DIS3L2: variants seen among roughly 807,000 people sequenced by gnomAD.
DIS3L2 encodes the protein DIS3 like 3'-5' exoribonuclease 2, also known as DIS3-like exonuclease 2.
DIS3L2 carries 34 observed loss-of-function variants against 97.5 expected under a neutral mutation model. That is an observed-to-expected ratio of 0.35 (90% CI 0.27 to 0.46). DIS3L2 has a LOEUF of 0.46. DIS3L2 is among the 20% of genes least tolerant of loss of function. The pLI is 1.00. For missense variants in DIS3L2, 1,038 were observed against 1,146.0 expected (o/e 0.91, Z 1.36); for synonymous variants, 435 against 445.2 (o/e 0.98, Z 0.29).
chr2:232,208,165 C>T (rs970647395), intron 9 of DIS3L2, among the ~76,000 whole-genome samples: 1 of 152,286 alleles, frequency 6.6e-6, no homozygotes, highest in Admixed American at 6.5e-5. Context: ...TTTAGTTCCA[C>T]TCCCCCTGCT....
chr2:232,061,884 A>G (rs1695717780), intron 5 of DIS3L2, among the ~76,000 whole-genome samples: 1 of 152,186 alleles, frequency 6.6e-6, no homozygotes, highest in South Asian at 2.1e-4. Context: ...ACCACTCCTT[A>G]TTCTTCAAGG....
At chr2:231,997,996 TAG>T (rs538576634) in intron 1 of DIS3L2, among the ~76,000 whole-genome samples, 124 of 152,350 alleles carry the variant, frequency 8.1e-4, no homozygotes, top group Non-Finnish European at 1.5e-3. Flanking sequence ...CACGTGTCTT[TAG>T]TCTCCTTTAA....
chr2:232,204,018 A>G (rs764307112), intron 9 of DIS3L2, among the ~76,000 whole-genome samples: 1 of 152,178 alleles, frequency 6.6e-6, no homozygotes, highest in Non-Finnish European at 1.5e-5. Context: ...AGGGCTTTAA[A>G]TCCTAAGCTG....
At chr2:232,106,655 CGA>C (rs1020365793) in intron 6 of DIS3L2, among the ~76,000 whole-genome samples, 18 of 152,102 alleles carry the variant, frequency 1.2e-4, no homozygotes, top group African/African-American at 3.9e-4. Context: ...TCAATAATAG[CGA>C]GAGACTTTAA....
At chr2:232,091,667 A>G (rs181142940) in intron 6 of DIS3L2, among the ~76,000 whole-genome samples, 4 of 152,270 alleles carry the variant, frequency 2.6e-5, no homozygotes, top group African/African-American at 7.2e-5. Flanking sequence ...TTGGATATGT[A>G]CATAGGAGTG....
intron 14 of DIS3L2, among the ~76,000 whole-genome samples, chr2:232,321,692 A>G (rs1010722899): frequency 6.6e-6 from 1 of 152,184 alleles, no homozygotes; most frequent in African/African-American, 2.4e-5. Context: ...GCCTGAGGCA[A>G]CCAGGAGGGG....
intron 11 of DIS3L2, among the ~76,000 whole-genome samples, chr2:232,239,857 T>A (rs1439360504): frequency 6.6e-6 from 1 of 152,240 alleles, no homozygotes; most frequent in Non-Finnish European, 1.5e-5. Flanking sequence ...GTTCCTCTCA[T>A]GTTTTCAACT....
chr2:232,120,206 A>C, intron 6 of DIS3L2, among the ~76,000 whole-genome samples: 1 of 152,088 alleles, frequency 6.6e-6, no homozygotes, highest in East Asian at 1.9e-4. Flanking sequence ...AGTATCTGTC[A>C]CTCAGGCATA....
intron 6 of DIS3L2, among the ~76,000 whole-genome samples, chr2:232,107,750 C>T (rs1452296350): frequency 6.6e-6 from 1 of 152,038 alleles, no homozygotes; most frequent in African/African-American, 2.4e-5. Context: ...ATACAAATAA[C>T]CATCAGAGAA....
intron 5 of DIS3L2, among the ~76,000 whole-genome samples, chr2:232,038,931 G>T (rs1695029454): frequency 6.6e-6 from 1 of 152,152 alleles, no homozygotes; most frequent in Admixed American, 6.5e-5. Context: ...AATTAGCTTA[G>T]TGCTACCTAC....
At chr2:232,220,211 A>G (rs138277792) in intron 10 of DIS3L2, among the ~76,000 whole-genome samples, 1 of 152,148 alleles carries the variant, frequency 6.6e-6, no homozygotes, top group Non-Finnish European at 1.5e-5. Flanking sequence ...TGGGAGGCTG[A>G]GGTGGGAAGA....
intron 5 of DIS3L2, among the ~76,000 whole-genome samples, chr2:232,035,319 T>A (rs1199135518): frequency 6.6e-6 from 1 of 152,098 alleles, no homozygotes; most frequent in Non-Finnish European, 1.5e-5. Flanking sequence ...TAGGATTGCA[T>A]CCCCTGCTTT....
At chr2:232,297,706 T>C (rs1694756947) in intron 13 of DIS3L2, among the ~76,000 whole-genome samples, 1 of 150,408 alleles carries the variant, frequency 6.6e-6, no homozygotes, top group Non-Finnish European at 1.5e-5. Context: ...CAAGTCTTTT[T>C]TTTTTTTTTT....
At chr2:232,007,369 G>A (rs188717055) in intron 1 of DIS3L2, among the ~76,000 whole-genome samples, 24 of 152,204 alleles carry the variant, frequency 1.6e-4, no homozygotes, top group African/African-American at 3.6e-4. Context: ...TGATACTTCC[G>A]CTCTCAGTTA....
At chr2:232,031,073 A>C (rs1055978928) in intron 5 of DIS3L2, among the ~76,000 whole-genome samples, 1 of 152,180 alleles carries the variant, frequency 6.6e-6, no homozygotes, top group African/African-American at 2.4e-5. Flanking sequence ...TTCTGCTGCA[A>C]ATGTCTCATC....
chr2:232,096,863 A>T (rs2106319316), intron 6 of DIS3L2, among the ~76,000 whole-genome samples: 1 of 152,214 alleles, frequency 6.6e-6, no homozygotes, highest in South Asian at 2.1e-4. Flanking sequence ...CCTCAAAACA[A>T]CTATTTTGAA....
intron 1 of DIS3L2, among the ~76,000 whole-genome samples, chr2:231,974,794 A>G (rs1693034452): frequency 6.6e-6 from 1 of 152,184 alleles, no homozygotes; most frequent in African/African-American, 2.4e-5. Context: ...AGGATGTATT[A>G]TAATCTTCTG....
At chr2:232,299,944 G>A in intron 13 of DIS3L2, 96 bp from the exon 14 acceptor site, 1 of 1,251,128 alleles carries the variant, frequency 8.0e-7, no homozygotes, top group Admixed American at 2.0e-5. Context: ...ACTTGAGGGA[G>A]TGTGACTTCG....
chr2:232,068,065 T>C (rs1317113132), intron 5 of DIS3L2, among the ~76,000 whole-genome samples: 1 of 152,160 alleles, frequency 6.6e-6, no homozygotes, highest in Admixed American at 6.5e-5. Flanking sequence ...TCAGAGCATG[T>C]GCTGGGATTG....
Sources: gnomAD v4.1 joint callset for allele counts (sites outside exome capture counted in the v4.1 genomes callset) on GRCh38, gnomAD v4.1.1 for gene constraint, MANE v1.5 for transcripts, NCBI Gene and HGNC (gene_info 2026-07-23, HGNC 2026-07-21) for gene names.